The following KLRG1 variants were observed in gnomAD, a reference collection of about 807,000 sequenced individuals.
KLRG1 encodes the protein killer cell lectin like receptor G1.
In KLRG1, 16 loss-of-function variants were observed where a neutral mutation model predicts 21.8. The observed-to-expected ratio is 0.73, with a 90% CI of 0.50 to 1.11. The LOEUF is 1.11. Ranked by LOEUF, KLRG1 falls within the 50% of genes most tolerant of loss-of-function variation. The pLI, the probability that KLRG1 is intolerant of heterozygous loss-of-function variation, is 0.00. For missense variants in KLRG1, 173 were observed against 218.3 expected, an observed-to-expected ratio of 0.79 and a Z score of 1.31; for synonymous variants, 69 against 75.9, an observed-to-expected ratio of 0.91 and a Z score of 0.47.
At chr12:8,976,641 G>A (rs985637141) in intron 1 of KLRG1, among the ~76,000 whole-genome samples, 2 of 152,116 alleles carry the variant, frequency 1.3e-5, no homozygotes, top group Non-Finnish European at 2.9e-5. Flanking sequence ...TAGATTCTCT[G>A]ACACTGAGTG....
At chr12:9,214,910 AT>A in the KLRG1 span, among the ~76,000 whole-genome samples, 1 of 151,960 alleles carries the variant, frequency 6.6e-6, no homozygotes, top group Non-Finnish European at 1.5e-5. Flanking sequence ...TTAAAAAAAA[AT>A]TTTTAAGTCA....
chr12:8,950,544 AC>A (rs1946180185), intron 1 of KLRG1, among the ~76,000 whole-genome samples: 1 of 151,912 alleles, frequency 6.6e-6, no homozygotes, highest in Non-Finnish European at 1.5e-5. Flanking sequence ...CTTCCTGTGG[AC>A]CCTCGCTTGT....
chr12:9,173,923 T>A, the KLRG1 span, among the ~76,000 whole-genome samples: 3 of 152,226 alleles, frequency 2.0e-5, no homozygotes, highest in Non-Finnish European at 4.4e-5. Context: ...GTACCATTTC[T>A]ACTAAAACTA....
the KLRG1 span, chr12:9,027,930 G>C: frequency 1.1e-6 from 1 of 883,766 alleles, no homozygotes; most frequent in Non-Finnish European, 1.9e-6. Flanking sequence ...TGAAGCGCTA[G>C]CTCTCTCTTG....
the KLRG1 span, among the ~76,000 whole-genome samples, chr12:9,202,986 T>A: frequency 6.6e-6 from 1 of 152,086 alleles, no homozygotes; most frequent in African/African-American, 2.4e-5. Context: ...TCTGAAAAAA[T>A]ATGGGAGAGC....
chr12:9,196,694 A>G, the KLRG1 span: 1 of 1,569,184 alleles, frequency 6.4e-7, no homozygotes, highest in Admixed American at 1.7e-5. Context: ...AGCTGAGAAA[A>G]ATACCAAAAC....
chr12:9,152,988 T>C, the KLRG1 span: 1 of 1,613,520 alleles, frequency 6.2e-7, no homozygotes, highest in South Asian at 1.1e-5. Flanking sequence ...TTTCTCTCTT[T>C]TTCTGGACCC....
At chr12:9,160,894 G>A in the KLRG1 span, 6 of 743,820 alleles carry the variant, frequency 8.1e-6, no homozygotes, top group South Asian at 4.8e-5. Context: ...CAGCCTGGGC[G>A]ACAGAGCGAG....
chr12:9,153,351 A>G, the KLRG1 span: 42 of 1,606,872 alleles, frequency 2.6e-5, no homozygotes, highest in Admixed American at 6.7e-5. Context: ...GTCCTGGAAG[A>G]GACGAGTGGA....
At chr12:9,027,607 A>G in the KLRG1 span, 10 of 877,284 alleles carry the variant, frequency 1.1e-5, no homozygotes, top group Admixed American at 6.8e-5. Flanking sequence ...TTGGCAAAGC[A>G]TTGGCCTCCA....
chr12:9,123,361 A>G, the KLRG1 span, among the ~76,000 whole-genome samples: 7 of 152,234 alleles, frequency 4.6e-5, no homozygotes, highest in South Asian at 2.1e-4. Context: ...CAATATGCCA[A>G]CATCACTACT....
At chr12:9,104,376 C>G in the KLRG1 span, 1 of 1,596,026 alleles carries the variant, frequency 6.3e-7, no homozygotes, top group Non-Finnish European at 8.5e-7. Flanking sequence ...GGTATAGGGA[C>G]GCCTTTCCCA....
chr12:9,102,187 C>G, the KLRG1 span, among the ~76,000 whole-genome samples: 50,625 of 151,956 alleles, frequency 0.33, 8,844 homozygotes, highest in Admixed American at 0.37. Context: ...CTGAAGTCTA[C>G]CTCTTCTGGG....
At chr12:8,955,556 A>T (rs115268167) in intron 1 of KLRG1, among the ~76,000 whole-genome samples, 171 of 150,022 alleles carry the variant, frequency 1.1e-3, no homozygotes, top group African/African-American at 4.1e-3. Flanking sequence ...TGCTAGGATA[A>T]TTTTTTTTTA....
chr12:9,022,153 G>A, the KLRG1 span, among the ~76,000 whole-genome samples: 8 of 152,008 alleles, frequency 5.3e-5, no homozygotes, highest in Admixed American at 4.6e-4. Context: ...AAAACCAAAA[G>A]TATACTAAAT....
the KLRG1 span, among the ~76,000 whole-genome samples, chr12:9,122,286 T>G: frequency 6.6e-6 from 1 of 152,238 alleles, no homozygotes; most frequent in African/African-American, 2.4e-5. Flanking sequence ...TGCGTGTTTG[T>G]GTGTGGGTTT....
chr12:9,194,560 A>C, the KLRG1 span, among the ~76,000 whole-genome samples: 1 of 145,476 alleles, frequency 6.9e-6, no homozygotes, highest in South Asian at 2.2e-4. Flanking sequence ...TGCCTCCTGG[A>C]CTCACGCCAT....
At chr12:8,995,502 G>C (rs1004806637) in intron 3 of KLRG1, among the ~76,000 whole-genome samples, 1 of 151,706 alleles carries the variant, frequency 6.6e-6, no homozygotes, top group Non-Finnish European at 1.5e-5. Flanking sequence ...CCCTTATGCT[G>C]TCTGACCCAA....
At chr12:9,115,882 CTG>C in the KLRG1 span, 2 of 1,539,286 alleles carry the variant, frequency 1.3e-6, no homozygotes, top group Non-Finnish European at 1.8e-6. Context: ...GGAGAACAGA[CTG>C]TATTGTACCC....
Sources: gnomAD v4.1 joint callset for allele counts (sites outside exome capture counted in the v4.1 genomes callset) on GRCh38, gnomAD v4.1.1 for gene constraint, MANE v1.5 for transcripts, NCBI Gene and HGNC (gene_info 2026-07-23, HGNC 2026-07-21) for gene names.